The following MAP3K14 variants were observed in gnomAD, a reference collection of about 807,000 sequenced individuals.
MAP3K14 encodes the protein NF-kappa-beta-inducing kinase.
Under a neutral mutation model 99.2 loss-of-function variants are expected in MAP3K14, and 16 were observed. That is an observed-to-expected ratio of 0.16 (90% CI 0.11 to 0.24). The LOEUF (loss-of-function observed/expected upper bound fraction) is 0.24, where lower values mean the gene tolerates loss of function less well. Among genes scored for constraint, MAP3K14 ranks in the 10% least tolerant of loss-of-function variants. MAP3K14 has a pLI of 1.00. For synonymous variants in MAP3K14, 462 were observed against 492.4 expected, an observed-to-expected ratio of 0.94 and a Z score of 0.82; for missense variants, 784 against 1,208.7, an observed-to-expected ratio of 0.65 and a Z score of 5.21.
At chr17:45,305,741 C>G (rs1260706171) in intron 1 of MAP3K14, among the ~76,000 whole-genome samples, 1 of 152,166 alleles carries the variant, frequency 6.6e-6, no homozygotes, top group Non-Finnish European at 1.5e-5. Context: ...GGCACTGAAG[C>G]CTACCTCCCA....
intron 6 of MAP3K14, among the ~76,000 whole-genome samples, chr17:45,276,603 C>T (rs1349934671): frequency 1.3e-5 from 2 of 152,102 alleles, no homozygotes; most frequent in Non-Finnish European, 1.5e-5. Context: ...CCTCCGCCTC[C>T]TGGGTTCAAG....
At chr17:45,269,613 G>T (rs4792809) in intron 11 of MAP3K14, among the ~76,000 whole-genome samples, 120,568 of 152,018 alleles carry the variant, frequency 0.79, 48,320 homozygotes, top group East Asian at 0.9. Flanking sequence ...AAGGTTAAGC[G>T]GTTCGCCAAT....
At chr17:45,310,981 G>T (rs1223692799) in intron 1 of MAP3K14, among the ~76,000 whole-genome samples, 1 of 152,090 alleles carries the variant, frequency 6.6e-6, no homozygotes, top group Admixed American at 6.6e-5. Flanking sequence ...TGATAGGGTT[G>T]TGGTAGGGGA....
intron 1 of MAP3K14, among the ~76,000 whole-genome samples, chr17:45,313,881 G>C (rs2044505624): frequency 6.6e-6 from 1 of 152,224 alleles, no homozygotes; most frequent in East Asian, 1.9e-4. Context: ...AGGGGGTTTA[G>C]ATTCTGAGCA....
At chr17:45,289,481 G>C (rs983451488) in intron 2 of MAP3K14, among the ~76,000 whole-genome samples, 176 bp from the exon 3 acceptor site, 1 of 152,042 alleles carries the variant, frequency 6.6e-6, no homozygotes, top group African/African-American at 2.4e-5. Context: ...TCTCTCCCCA[G>C]CTTCTCAGCT....
intron 4 of MAP3K14, 23 bp downstream of exon 4, chr17:45,287,131 G>A: frequency 6.2e-6 from 10 of 1,608,724 alleles, no homozygotes; most frequent in Non-Finnish European, 6.8e-6. Flanking sequence ...CCTGGGGTCT[G>A]GGCAGTGGGT....
At chr17:45,301,594 A>G (rs564480578) in intron 1 of MAP3K14, among the ~76,000 whole-genome samples, 2 of 152,346 alleles carry the variant, frequency 1.3e-5, no homozygotes, top group Non-Finnish European at 2.9e-5. Flanking sequence ...AAATCATTTT[A>G]ACAATATGGA....
chr17:45,299,521 AAGG>A (rs1250648314), intron 1 of MAP3K14, among the ~76,000 whole-genome samples: 3 of 152,112 alleles, frequency 2.0e-5, no homozygotes, highest in Non-Finnish European at 2.9e-5. Context: ...TCAGGCGGAG[AAGG>A]AGAATGGCCA....
chr17:45,291,947 C>T (rs2044314223), intron 1 of MAP3K14, among the ~76,000 whole-genome samples: 1 of 152,252 alleles, frequency 6.6e-6, no homozygotes, highest in Admixed American at 6.5e-5. Flanking sequence ...ACTCTAAGGC[C>T]TCTGGCCTTT....
intron 1 of MAP3K14, among the ~76,000 whole-genome samples, chr17:45,293,172 C>T (rs16939957): frequency 0.016 from 2,395 of 152,256 alleles, 67 homozygotes; most frequent in African/African-American, 0.055. Flanking sequence ...AGGATGATCC[C>T]GAATGCTGAG....
intron 1 of MAP3K14, among the ~76,000 whole-genome samples, chr17:45,297,036 G>C (rs2044350800): frequency 6.6e-6 from 1 of 152,214 alleles, no homozygotes; most frequent in South Asian, 2.1e-4. Flanking sequence ...AACCCTGCAA[G>C]GTTGGCAATA....
In MAP3K14 at chr17:45,267,648, G is replaced by A. The variant is rs2044103255; in HGVS notation, c.2084C>T (p.Pro695Leu). Residue 695 changes from proline (P) to leucine (L), a missense_variant, in exon 12 of 16, where the codon CCA becomes CTA. Coordinates refer to ENST00000344686, the MANE Select transcript of MAP3K14 (RefSeq NM_003954.5). This position sits in a 1 kb window ranked among gnomAD's most constrained non-coding sequence, Gnocchi z 5.1. ...AGCTGGCCGGGGCCCTGGGGCCCTT[G>A]GCGAAAGCTCTCTCGGCTGGGCATG... ...TLHAQPRELS[P>L]RAPGPRPAEE... The A allele has an allele frequency of 3.7e-6, 6 of 1,613,570 alleles. No individual in the cohort carries two copies. In the South Asian group the frequency reaches 6.6e-5, roughly 18 times the overall value.
At chr17:45,270,694 G>A in intron 10 of MAP3K14, 131 bp from the exon 11 acceptor site, 2 of 1,289,092 alleles carry the variant, frequency 1.6e-6, no homozygotes, top group Non-Finnish European at 2.1e-6. Context: ...GGAATGGAGG[G>A]GTCTGGGCTA....
intron 6 of MAP3K14, among the ~76,000 whole-genome samples, chr17:45,275,484 AAAAAAAAAAAC>A (rs2044172424): frequency 4.9e-5 from 1 of 20,444 alleles, no homozygotes; most frequent in Non-Finnish European, 9.0e-5. Context: ...CTCCATCTCA[AAAAAAAAAAAC>A]AAAAAAAAAC....
intron 10 of MAP3K14, 122 bp from the exon 11 acceptor site, chr17:45,270,685 G>T: frequency 7.6e-7 from 1 of 1,322,066 alleles, no homozygotes; most frequent in Non-Finnish European, 1.0e-6. Flanking sequence ...CTACCACAAG[G>T]AATGGAGGGG....
intron 1 of MAP3K14, among the ~76,000 whole-genome samples, chr17:45,309,851 T>C (rs1357764391): frequency 6.6e-6 from 1 of 152,106 alleles, no homozygotes; most frequent in African/African-American, 2.4e-5. Flanking sequence ...GATTTGCATA[T>C]ATTTGCAAGT....
chr17:45,275,477 C>T (rs2044172160), intron 6 of MAP3K14, among the ~76,000 whole-genome samples: 2 of 79,778 alleles, frequency 2.5e-5, no homozygotes, highest in South Asian at 3.6e-4. Context: ...AGTGAGACTC[C>T]ATCTCAAAAA....
At chr17:45,316,724 G>A (rs1228660926) in intron 1 of MAP3K14, among the ~76,000 whole-genome samples, 1 of 151,886 alleles carries the variant, frequency 6.6e-6, no homozygotes, top group Non-Finnish European at 1.5e-5. Context: ...CAGCAGGAGT[G>A]CGCGGCCTGG....
rs1484846929 is a variant in MAP3K14 at position 45,289,190 on chromosome 17, G to A, written c.326+46C>T. 3.2e-6 allele frequency: 5 copies of A among 1,565,742 alleles called. No homozygotes were observed. The East Asian group carries it at 9.0e-5, about 28-fold the overall frequency. On this transcript the variant is annotated intron_variant, in intron 3 of 15. Coordinates refer to ENST00000344686, the MANE Select transcript of MAP3K14 (RefSeq NM_003954.5). ...GGCAAGTGCTGGGGACGAGGGCGCT[G>A]GGTCCAGTCCCCACCTTCCCACTCA...
Sources: allele counts gnomAD v4.1 joint callset (sites outside exome capture counted in the v4.1 genomes callset), GRCh38; gene constraint gnomAD v4.1.1; non-coding constraint Gnocchi (gnomAD v3.1); transcripts MANE v1.5; gene names NCBI Gene and HGNC (gene_info 2026-07-23, HGNC 2026-07-21).